VPS13B: variants seen among roughly 807,000 people sequenced by gnomAD.
The protein encoded by VPS13B is vacuolar protein sorting 13 homolog B, also known as intermembrane lipid transfer protein VPS13B.
In VPS13B, 285 loss-of-function variants were observed where a neutral mutation model predicts 426.4. The observed-to-expected ratio is 0.67, with a 90% CI of 0.61 to 0.74. The LOEUF is 0.74. Among genes scored for constraint, VPS13B ranks in the 30% least tolerant of loss-of-function variants. The pLI is 0.00. For missense variants in VPS13B, 4,537 were observed against 4,782.6 expected (o/e 0.95, Z 1.51); for synonymous variants, 1,676 against 1,676.4 (o/e 1.00, Z 0.01).
At chr8:99,066,481 CACCTTATACAAAA>C (rs1844520921) in intron 3 of VPS13B, among the ~76,000 whole-genome samples, 1 of 152,204 alleles carries the variant, frequency 6.6e-6, no homozygotes, top group Admixed American at 6.5e-5. Flanking sequence ...CCCTTCCTTA[CACCTTATACAAAA>C]ATTAATTCAA....
chr8:99,825,685 A>G (rs1440693775), intron 51 of VPS13B, among the ~76,000 whole-genome samples: 1 of 152,144 alleles, frequency 6.6e-6, no homozygotes, highest in Non-Finnish European at 1.5e-5. Context: ...GTTTTCTTCT[A>G]GGCTTTTTAT....
chr8:99,372,154 G>A (rs1263813916), intron 19 of VPS13B, among the ~76,000 whole-genome samples: 1 of 151,484 alleles, frequency 6.6e-6, no homozygotes, highest in Non-Finnish European at 1.5e-5. Flanking sequence ...GGGAGGCTGA[G>A]GCAGGAGAAT....
chr8:99,700,973 C>T (rs368980592), intron 36 of VPS13B, among the ~76,000 whole-genome samples: 5 of 152,182 alleles, frequency 3.3e-5, no homozygotes, highest in African/African-American at 1.2e-4. Flanking sequence ...AACTTAGTTG[C>T]TTATCAAAAA....
chr8:99,169,143 T>C (rs907083111), intron 15 of VPS13B, among the ~76,000 whole-genome samples: 8 of 152,016 alleles, frequency 5.3e-5, no homozygotes, highest in Admixed American at 5.2e-4. Flanking sequence ...GTCAGTGCTT[T>C]ATAAACCCAA....
chr8:99,366,675 A>G (rs907673707), intron 19 of VPS13B, among the ~76,000 whole-genome samples: 7 of 144,436 alleles, frequency 4.8e-5, no homozygotes, highest in African/African-American at 1.3e-4. Flanking sequence ...CTTCTTTTCT[A>G]TTTTCCTGTC....
chr8:99,250,257 A>G (rs956288157), intron 17 of VPS13B, among the ~76,000 whole-genome samples: 1 of 152,090 alleles, frequency 6.6e-6, no homozygotes, highest in Non-Finnish European at 1.5e-5. Flanking sequence ...GCCTCTTTAT[A>G]CTATTCTAGA....
intron 35 of VPS13B, among the ~76,000 whole-genome samples, chr8:99,682,140 G>A (rs1831179795): frequency 6.6e-6 from 1 of 152,194 alleles, no homozygotes; most frequent in African/African-American, 2.4e-5. Context: ...ATGAGAGACA[G>A]AGATCCAAGA....
intron 39 of VPS13B, among the ~76,000 whole-genome samples, chr8:99,729,348 A>G (rs1054308381): frequency 6.6e-6 from 1 of 152,188 alleles, no homozygotes; most frequent in Non-Finnish European, 1.5e-5. Flanking sequence ...ATATCTGGAA[A>G]AGACATTCTG....
chr8:99,767,340 G>A (rs551764469), intron 40 of VPS13B, among the ~76,000 whole-genome samples: 2 of 151,790 alleles, frequency 1.3e-5, no homozygotes, highest in South Asian at 4.2e-4. Context: ...TAATCAATAT[G>A]TGTAATGATT....
chr8:99,048,204 C>A (rs905064041), intron 3 of VPS13B, among the ~76,000 whole-genome samples: 2 of 152,084 alleles, frequency 1.3e-5, no homozygotes, highest in Non-Finnish European at 2.9e-5. Context: ...CCACTGTGGT[C>A]TGAGAGAGTG....
At chr8:99,623,199 T>C (rs1828443753) in intron 33 of VPS13B, among the ~76,000 whole-genome samples, 1 of 152,194 alleles carries the variant, frequency 6.6e-6, no homozygotes, top group South Asian at 2.1e-4. Flanking sequence ...TCCTTGAGCA[T>C]GTCTTTTGTG....
At chr8:99,124,921 A>T (rs1046957333) in intron 8 of VPS13B, among the ~76,000 whole-genome samples, 4 of 150,266 alleles carry the variant, frequency 2.7e-5, no homozygotes, top group Non-Finnish European at 5.9e-5. Flanking sequence ...GTTCTGATGC[A>T]TGCTAAACAT....
chr8:99,169,344 A>T (rs1812196192), intron 15 of VPS13B, among the ~76,000 whole-genome samples: 1 of 152,006 alleles, frequency 6.6e-6, no homozygotes, highest in South Asian at 2.1e-4. Flanking sequence ...ACGTGATGTT[A>T]TGTTGTTTCT....
At chr8:99,696,821 C>A in intron 35 of VPS13B, 1 of 1,340,996 alleles carries the variant, frequency 7.5e-7, no homozygotes, top group Non-Finnish European at 1.1e-6. Context: ...CAACCTGTCA[C>A]GGCCGCAGCT....
At chr8:99,685,079 G>A (rs1185107958) in intron 35 of VPS13B, among the ~76,000 whole-genome samples, 3 of 152,180 alleles carry the variant, frequency 2.0e-5, no homozygotes, top group Non-Finnish European at 4.4e-5. Flanking sequence ...GGGATTACAG[G>A]TATGAGCCAC....
At chr8:99,685,321 A>G (rs935713329) in intron 35 of VPS13B, among the ~76,000 whole-genome samples, 2 of 152,244 alleles carry the variant, frequency 1.3e-5, no homozygotes, top group Admixed American at 6.5e-5. Flanking sequence ...TCACAATTCT[A>G]TGGTTAGAAG....
chr8:99,546,214 T>G (rs1588482818), intron 30 of VPS13B, among the ~76,000 whole-genome samples: 1 of 152,100 alleles, frequency 6.6e-6, no homozygotes, highest in Admixed American at 6.6e-5. Flanking sequence ...TGTGACAACA[T>G]TTTTTTAAAG....
chr8:99,256,365 A>G (rs563829029), intron 17 of VPS13B, among the ~76,000 whole-genome samples: 4 of 152,220 alleles, frequency 2.6e-5, no homozygotes, highest in Non-Finnish European at 5.9e-5. Flanking sequence ...GAACACAGGT[A>G]TACAAATATC....
chr8:99,639,601 G>A (rs1167412797), intron 33 of VPS13B, among the ~76,000 whole-genome samples: 1 of 150,054 alleles, frequency 6.7e-6, no homozygotes, highest in Non-Finnish European at 1.5e-5. Context: ...TCACTTTCTT[G>A]ACTTATTTAT....
Sources: allele counts gnomAD v4.1 joint callset (sites outside exome capture counted in the v4.1 genomes callset), GRCh38; gene constraint gnomAD v4.1.1; transcripts MANE v1.5; gene names NCBI Gene and HGNC (gene_info 2026-07-23, HGNC 2026-07-21).